Variants in DGKB observed in about 807,000 individuals in gnomAD.
The protein encoded by DGKB is diacylglycerol kinase beta.
A neutral mutation model predicts 114.3 loss-of-function variants in DGKB; 67 were observed. The ratio of observed to expected loss-of-function variants is 0.59; its 90% CI spans 0.48 to 0.72. DGKB has a LOEUF of 0.72. Ranked by LOEUF, DGKB falls within the 30% of genes least tolerant of loss-of-function variation. DGKB has a pLI of 0.00. For missense variants in DGKB, 907 were observed against 975.2 expected (o/e 0.93, Z 0.93); for synonymous variants, 398 against 323.1 (o/e 1.23, Z -2.49).
intron 20 of DGKB, among the ~76,000 whole-genome samples, chr7:14,572,947 G>A (rs1798610447): frequency 6.6e-6 from 1 of 151,906 alleles, no homozygotes; most frequent in African/African-American, 2.4e-5. Flanking sequence ...AAATCTTAGA[G>A]GCAGAAAGCC....
intron 25 of DGKB, among the ~76,000 whole-genome samples, chr7:14,157,301 T>C (rs1225642074): frequency 1.3e-5 from 2 of 151,810 alleles, no homozygotes; most frequent in Non-Finnish European, 2.9e-5. Flanking sequence ...AAGTACATGC[T>C]AAATTTTTCA....
intron 20 of DGKB, among the ~76,000 whole-genome samples, chr7:14,529,538 A>T (rs1791212337): frequency 1.3e-5 from 2 of 151,898 alleles, no homozygotes; most frequent in Non-Finnish European, 2.9e-5. Flanking sequence ...GAACTCTAAA[A>T]TGAAAAATGG....
intron 5 of DGKB, among the ~76,000 whole-genome samples, chr7:14,735,504 T>G (rs1410327380): frequency 1.3e-5 from 2 of 152,160 alleles, no homozygotes; most frequent in East Asian, 3.9e-4. Flanking sequence ...GGAGGGAGAT[T>G]GATACAACAG....
At chr7:14,551,120 C>T (rs1401215428) in intron 20 of DGKB, among the ~76,000 whole-genome samples, 26 of 152,064 alleles carry the variant, frequency 1.7e-4, no homozygotes, top group Admixed American at 1.5e-3. Context: ...CATATTTTTC[C>T]TACACTGGCA....
intron 2 of DGKB, among the ~76,000 whole-genome samples, chr7:14,795,818 T>C (rs920067859): frequency 1.3e-5 from 2 of 152,168 alleles, no homozygotes; most frequent in South Asian, 4.1e-4. Context: ...AGAAAATCTG[T>C]CAAATTGTTA....
intron 1 of DGKB, among the ~76,000 whole-genome samples, chr7:14,890,423 A>G (rs1251042823): frequency 6.6e-6 from 1 of 151,520 alleles, no homozygotes; most frequent in Non-Finnish European, 1.5e-5. Flanking sequence ...TTCCTCTAAC[A>G]TGCCTTCGCT....
At chr7:14,558,807 T>C (rs1157474331) in intron 20 of DGKB, among the ~76,000 whole-genome samples, 1 of 152,168 alleles carries the variant, frequency 6.6e-6, no homozygotes, top group Admixed American at 6.6e-5. Flanking sequence ...GTGCCTCAGA[T>C]CTGCTGCTTT....
chr7:14,283,207 T>C (rs888076165), intron 23 of DGKB, among the ~76,000 whole-genome samples: 10 of 151,718 alleles, frequency 6.6e-5, no homozygotes, highest in Admixed American at 2.0e-4. Context: ...CAAGCATTCC[T>C]ATACACCAAC....
chr7:14,223,521 G>A (rs1457277419), intron 23 of DGKB, among the ~76,000 whole-genome samples: 1 of 151,458 alleles, frequency 6.6e-6, no homozygotes, highest in Non-Finnish European at 1.5e-5. Context: ...GAAGCTCAAA[G>A]AATAATATAT....
chr7:14,717,899 T>C (rs1303385439), intron 6 of DGKB, among the ~76,000 whole-genome samples: 1 of 152,152 alleles, frequency 6.6e-6, no homozygotes, highest in Non-Finnish European at 1.5e-5. Context: ...TGAGTATAGT[T>C]AGCCACCAGA....
At chr7:14,632,838 G>C (rs763423907) in intron 13 of DGKB, among the ~76,000 whole-genome samples, 5 of 151,828 alleles carry the variant, frequency 3.3e-5, no homozygotes, top group South Asian at 2.1e-4. Flanking sequence ...TTAGAAAAAA[G>C]CAATATTTCA....
At chr7:14,324,678 C>T (rs773935533) in intron 23 of DGKB, among the ~76,000 whole-genome samples, 10 of 152,108 alleles carry the variant, frequency 6.6e-5, no homozygotes, top group Non-Finnish European at 1.2e-4. Flanking sequence ...AGACATACTA[C>T]ATTTTAACCC....
At chr7:14,864,684 G>A (rs1456280800) in intron 1 of DGKB, among the ~76,000 whole-genome samples, 1 of 151,964 alleles carries the variant, frequency 6.6e-6, no homozygotes, top group African/African-American at 2.4e-5. Context: ...GATTAGCCAG[G>A]CAGAAAGAAC....
At chr7:14,414,007 G>A (rs10950524) in intron 21 of DGKB, among the ~76,000 whole-genome samples, 149,915 of 152,260 alleles carry the variant, frequency 0.98, 73,902 homozygotes, top group Non-Finnish European at 1. Flanking sequence ...CAATATTTAT[G>A]CGGTTTTAAC....
At chr7:14,552,793 G>A (rs536053684) in intron 20 of DGKB, among the ~76,000 whole-genome samples, 6 of 152,322 alleles carry the variant, frequency 3.9e-5, no homozygotes, top group Admixed American at 1.3e-4. Context: ...GGATTCTATA[G>A]TTCTCAGATG....
intron 1 of DGKB, among the ~76,000 whole-genome samples, chr7:14,854,707 G>C (rs531244921): frequency 2.6e-5 from 4 of 152,160 alleles, no homozygotes; most frequent in African/African-American, 4.8e-5. Context: ...ACAAGTACTG[G>C]TATGAGGCCT....
chr7:14,593,820 T>TAAA (rs11434742), intron 17 of DGKB, among the ~76,000 whole-genome samples: 6 of 147,182 alleles, frequency 4.1e-5, no homozygotes, highest in South Asian at 2.1e-4. Flanking sequence ...ATGGTCCAGT[T>TAAA]AAAAAAAGAA....
intron 1 of DGKB, among the ~76,000 whole-genome samples, chr7:14,851,053 G>A (rs1001764617): frequency 6.6e-6 from 1 of 152,096 alleles, no homozygotes; most frequent in Non-Finnish European, 1.5e-5. Context: ...CTCAATAATG[G>A]TTATTTTCTC....
At chr7:14,877,087 C>CT (rs1853404717) in intron 1 of DGKB, among the ~76,000 whole-genome samples, 1 of 152,200 alleles carries the variant, frequency 6.6e-6, no homozygotes, top group Non-Finnish European at 1.5e-5. Context: ...TAATCGAGAA[C>CT]TTTTTTCTCA....
Sources: allele counts gnomAD v4.1 joint callset (sites outside exome capture counted in the v4.1 genomes callset), GRCh38; gene constraint gnomAD v4.1.1; transcripts MANE v1.5; gene names NCBI Gene and HGNC (gene_info 2026-07-23, HGNC 2026-07-21).